ADAMTSL1: variants seen among roughly 807,000 people sequenced by gnomAD.
The protein encoded by ADAMTSL1 is ADAMTS like 1, also known as ADAMTS-like protein 1.
In ADAMTSL1, 126 loss-of-function variants were observed where a neutral mutation model predicts 201.8. The observed-to-expected ratio is 0.62, with a 90% CI of 0.54 to 0.72. The LOEUF (loss-of-function observed/expected upper bound fraction) is 0.72, where lower values mean the gene tolerates loss of function less well. ADAMTSL1 is among the 30% of genes least tolerant of loss of function. ADAMTSL1 has a pLI of 0.00. For synonymous variants in ADAMTSL1, 1,121 were observed against 903.4 expected (o/e 1.24, Z -4.32); for missense variants, 2,679 against 2,277.8 (o/e 1.18, Z -3.59).
At chr9:18,564,521 C>T (rs962374252) in intron 3 of ADAMTSL1, among the ~76,000 whole-genome samples, 2 of 152,156 alleles carry the variant, frequency 1.3e-5, no homozygotes, top group Admixed American at 6.6e-5. Flanking sequence ...TGCAACAGAC[C>T]CAAGGAATAG....
chr9:18,213,318 C>A (rs1261655179), intron 2 of ADAMTSL1, among the ~76,000 whole-genome samples: 1 of 152,168 alleles, frequency 6.6e-6, no homozygotes, highest in Non-Finnish European at 1.5e-5. Context: ...TTCATTGGAA[C>A]TGTGATGATA....
intron 2 of ADAMTSL1, among the ~76,000 whole-genome samples, chr9:18,292,154 A>G (rs1437110207): frequency 6.6e-6 from 1 of 152,112 alleles, no homozygotes; most frequent in East Asian, 1.9e-4. Context: ...TGGAAATATC[A>G]ATCCAAAGAA....
intron 4 of ADAMTSL1, among the ~76,000 whole-genome samples, chr9:18,591,789 A>C (rs994007097): frequency 3.3e-5 from 5 of 151,946 alleles, no homozygotes; most frequent in Admixed American, 1.3e-4. Context: ...TTCCTGTAGC[A>C]TAAAAATTCA....
At chr9:18,015,854 C>T (rs1377562259) in intron 1 of ADAMTSL1, among the ~76,000 whole-genome samples, 1 of 151,940 alleles carries the variant, frequency 6.6e-6, no homozygotes, top group Non-Finnish European at 1.5e-5. Context: ...TCTAAGAGCT[C>T]CTCAAGAGAT....
chr9:18,842,930 C>G (rs1825825446), intron 23 of ADAMTSL1, among the ~76,000 whole-genome samples: 1 of 152,110 alleles, frequency 6.6e-6, no homozygotes, highest in African/African-American at 2.4e-5. Context: ...ATGCATGTCT[C>G]TGCGCGTGAG....
chr9:18,678,467 A>G lies in ADAMTSL1; in HGVS notation c.1137-1845A>G, dbSNP rs138515443. Among the ~76,000 whole-genome samples, 3 of 152,170 alleles carry G rather than the reference A, an allele frequency of 2.0e-5. No individual in the cohort carries two copies. In the South Asian group the frequency reaches 6.2e-4, roughly 32 times the overall value. ...TTTCTACGCATAGAACTGTAGTTGT[A>G]TGCTGGGACCATAGTATAAATTTTT... On this transcript the variant is annotated intron_variant, in intron 10 of 28. Coordinates refer to ENST00000380548, the MANE Select transcript of ADAMTSL1 (RefSeq NM_001040272.6).
chr9:18,080,563 C>T (rs1042427279), intron 1 of ADAMTSL1, among the ~76,000 whole-genome samples: 5 of 152,154 alleles, frequency 3.3e-5, no homozygotes, highest in Non-Finnish European at 5.9e-5. Context: ...ACTGGCTCTG[C>T]GATCTGGGAT....
chr9:18,403,270 G>T (rs532278700), intron 2 of ADAMTSL1, among the ~76,000 whole-genome samples: 1 of 151,790 alleles, frequency 6.6e-6, no homozygotes, highest in South Asian at 2.1e-4. Context: ...TGCAACCTTC[G>T]CCTCCTGGGT....
intron 3 of ADAMTSL1, among the ~76,000 whole-genome samples, chr9:18,569,063 A>G (rs1385754413): frequency 2.0e-5 from 3 of 152,202 alleles, no homozygotes; most frequent in African/African-American, 7.2e-5. Flanking sequence ...GTGCCACCTT[A>G]GCTGCTGCGG....
Position 18,770,618 on chromosome 9 carries a change from G to T in ADAMTSL1, c.2234G>T (p.Gly745Val). 6.8e-6 allele frequency: 11 copies of T among 1,612,818 alleles called. No individual in the cohort carries two copies. The highest frequency in any genetic ancestry group is 9.3e-6 in the Non-Finnish European group (11 of 1,179,508). ...AQWQPCSRTC[G>V]GGVQKREVLC... ...TTTCCCCAGTGTTCCAGAACGTGTG[G>T]CGGGGGTGTTCAGAAACGTGAGGTT... The change falls in exon 17 of 29, where the codon GGC (glycine) becomes GTC (valine). Residue 745 changes from glycine (G) to valine (V), a missense_variant. Coordinates refer to ENST00000380548, the MANE Select transcript of ADAMTSL1 (RefSeq NM_001040272.6).
chr9:17,928,121 A>T (rs55963805), intron 1 of ADAMTSL1, among the ~76,000 whole-genome samples: 1 of 151,556 alleles, frequency 6.6e-6, no homozygotes, highest in Non-Finnish European at 1.5e-5. Context: ...TAGCCTCCCA[A>T]GTAGCTGGGA....
At chr9:18,115,573 G>T (rs1159189449) in intron 1 of ADAMTSL1, among the ~76,000 whole-genome samples, 3 of 152,162 alleles carry the variant, frequency 2.0e-5, no homozygotes, top group Non-Finnish European at 4.4e-5. Context: ...TTATTTACCA[G>T]AACTTAAAGA....
chr9:18,840,092 A>G (rs9695368), intron 23 of ADAMTSL1, among the ~76,000 whole-genome samples: 333 of 146,714 alleles, frequency 2.3e-3, no homozygotes, highest in Middle Eastern at 7.0e-3. Context: ...TTGGTGTTTT[A>G]GACATGAAGT....
chr9:18,732,865 G>T (rs1302943628), intron 15 of ADAMTSL1, among the ~76,000 whole-genome samples: 1 of 152,100 alleles, frequency 6.6e-6, no homozygotes, highest in Non-Finnish European at 1.5e-5. Context: ...TATTTATTAA[G>T]CACTTACAAT....
chr9:18,061,920 C>T (rs560753473), intron 1 of ADAMTSL1, among the ~76,000 whole-genome samples: 2 of 152,284 alleles, frequency 1.3e-5, no homozygotes, highest in Admixed American at 6.5e-5. Flanking sequence ...AGCATTTGTG[C>T]AAAGGATCTG....
chr9:18,585,716 G>A (rs1459095778), intron 4 of ADAMTSL1, among the ~76,000 whole-genome samples: 1 of 152,016 alleles, frequency 6.6e-6, no homozygotes, highest in African/African-American at 2.4e-5. Flanking sequence ...CAAAATACTG[G>A]CAAACCCAAT....
chr9:18,604,757 C>T (rs1364496171), intron 4 of ADAMTSL1, among the ~76,000 whole-genome samples: 1 of 152,160 alleles, frequency 6.6e-6, no homozygotes, highest in South Asian at 2.1e-4. Flanking sequence ...GTCTGCAATT[C>T]TTGTAGGTAG....
intron 2 of ADAMTSL1, among the ~76,000 whole-genome samples, chr9:18,290,199 C>T (rs1833194171): frequency 6.6e-6 from 1 of 152,100 alleles, no homozygotes; most frequent in South Asian, 2.1e-4. Context: ...AGCAAGAGTG[C>T]CTATACAGCA....
At chr9:18,882,798 A>T (rs1828614419) in intron 23 of ADAMTSL1, among the ~76,000 whole-genome samples, 1 of 152,104 alleles carries the variant, frequency 6.6e-6, no homozygotes. Context: ...GTTCAAGACC[A>T]GCCTGGGCAA....
Sources: allele counts gnomAD v4.1 joint callset (sites outside exome capture counted in the v4.1 genomes callset), GRCh38; gene constraint gnomAD v4.1.1; transcripts MANE v1.5; gene names NCBI Gene and HGNC (gene_info 2026-07-23, HGNC 2026-07-21).